The following SEC63 variants were observed in gnomAD, a reference collection of about 807,000 sequenced individuals.
SEC63 encodes SEC63 protein translocation regulator.
In SEC63, 56 loss-of-function variants were observed where a neutral mutation model predicts 116.2. That is an observed-to-expected ratio of 0.48 (90% confidence interval 0.39 to 0.60). SEC63 has a LOEUF of 0.60. Ranked by LOEUF, SEC63 falls within the 20% of genes least tolerant of loss-of-function variation. The pLI is 0.00. For missense variants in SEC63, 668 were observed against 900.0 expected (o/e 0.74, Z 3.30); for synonymous variants, 273 against 294.6 (o/e 0.93, Z 0.75).
At chr6:107,905,986 T>A (rs567757142) in intron 10 of SEC63, among the ~76,000 whole-genome samples, 17 of 152,198 alleles carry the variant, frequency 1.1e-4, no homozygotes, top group African/African-American at 4.1e-4. Flanking sequence ...CACCATGCTA[T>A]GGTTTGGGTC....
chr6:107,892,823 G>A (rs1035866193), intron 16 of SEC63, among the ~76,000 whole-genome samples: 2 of 152,080 alleles, frequency 1.3e-5, no homozygotes, highest in Non-Finnish European at 2.9e-5. Context: ...TAAAAGACTG[G>A]TAAAACCAAG....
intron 1 of SEC63, among the ~76,000 whole-genome samples, chr6:107,953,216 C>T (rs760490349): frequency 1.3e-5 from 2 of 152,202 alleles, no homozygotes; most frequent in Non-Finnish European, 2.9e-5. Flanking sequence ...GCCGAGATCA[C>T]GCCACTGCAC....
At chr6:107,872,951 G>A in intron 19 of SEC63, 39 bp from the exon 20 acceptor site, 1 of 1,309,414 alleles carries the variant, frequency 7.6e-7, no homozygotes, top group African/African-American at 1.5e-5. Flanking sequence ...CTGTATTATG[G>A]GGAGGAAACA....
intron 3 of SEC63, among the ~76,000 whole-genome samples, chr6:107,923,827 GTTCT>G (rs1787611098): frequency 6.6e-6 from 1 of 151,846 alleles, no homozygotes; most frequent in South Asian, 2.1e-4. Flanking sequence ...GCTGATATTA[GTTCT>G]TTCTAAGACC....
At chr6:107,878,282 TTGTAAAGATGATCTGAGAG>T (rs1562313014) in intron 18 of SEC63, among the ~76,000 whole-genome samples, 1 of 152,250 alleles carries the variant, frequency 6.6e-6, no homozygotes, top group African/African-American at 2.4e-5. Flanking sequence ...TCTGGCCATG[TTGTAAAGATGATCTGAGAG>T]AATACAAATA....
At chr6:107,909,738 T>G (rs1470717590) in intron 7 of SEC63, among the ~76,000 whole-genome samples, 1 of 152,208 alleles carries the variant, frequency 6.6e-6, no homozygotes, top group South Asian at 2.1e-4. Context: ...TTTTACAAGT[T>G]GACATGACAC....
intron 18 of SEC63, among the ~76,000 whole-genome samples, chr6:107,880,466 A>T (rs1786385800): frequency 6.6e-6 from 1 of 152,208 alleles, no homozygotes; most frequent in Non-Finnish European, 1.5e-5. Context: ...TCCCAAGGTA[A>T]TTTGAAAGAT....
chr6:107,881,128 A>G (rs1044520374), intron 18 of SEC63, 21 bp downstream of exon 18: 2 of 1,488,124 alleles, frequency 1.3e-6, no homozygotes, highest in Admixed American at 3.3e-5. Context: ...TAAGGAACAC[A>G]GTAGCCTGTA....
chr6:107,892,034 C>T (rs147069436), intron 16 of SEC63, among the ~76,000 whole-genome samples: 1 of 152,186 alleles, frequency 6.6e-6, no homozygotes, highest in Non-Finnish European at 1.5e-5. Flanking sequence ...GAGTCAGGGA[C>T]CCACTTGAGG....
chr6:107,923,604 C>T (rs150640947), intron 3 of SEC63, among the ~76,000 whole-genome samples: 97 of 152,202 alleles, frequency 6.4e-4, no homozygotes, highest in Non-Finnish European at 1.2e-3. Context: ...ATGGCTCACT[C>T]ATCTCAACCT....
intron 12 of SEC63, among the ~76,000 whole-genome samples, chr6:107,901,742 T>C (rs946130685): frequency 1.3e-5 from 2 of 151,982 alleles, no homozygotes; most frequent in Admixed American, 1.3e-4. Context: ...TACAGGCTTA[T>C]TTTTTTAAAT....
chr6:107,883,007 T>A lies in SEC63; in HGVS notation c.1814A>T (p.Gln605Leu). Reference sequence around the variant, plus strand: ...GCTTACTGCTTCATCATCTTTGTTTTGTTTTTCATCTTGCTCTCTATCAGA... The same window carrying A: ...GCTTACTGCTTCATCATCTTTGTTTAGTTTTTCATCTTGCTCTCTATCAGA... The part of the protein sequence containing the change: ...RDSDREQDEK[Q>L]NKDDEAEWQE... Residue 605 changes from glutamine (Q) to leucine (L), a missense_variant, in exon 17 of 21, where the codon CAA becomes CTA. Transcript: ENST00000369002. 1 of 1,606,946 alleles carries A rather than the reference T, an allele frequency of 6.2e-7. No homozygotes were observed. The highest frequency in any genetic ancestry group is 2.2e-5 in the East Asian group (1 of 44,750).
Position 107,912,709 on chromosome 6 carries a change from C to T in SEC63, c.573+7G>A, listed in dbSNP as rs772710321. The T allele has an allele frequency of 6.3e-7, 1 of 1,578,256 alleles. No homozygotes were observed. Among genetic ancestry groups the T allele is most frequent in the Non-Finnish European group, 8.7e-7 (1 of 1,147,836 alleles). On this transcript the variant is annotated splice_region_variant and intron_variant, in intron 6 of 20. Coordinates refer to ENST00000369002, the MANE Select transcript of SEC63 (RefSeq NM_007214.5). ...CATCATAATGTATCTTATTTAAATGCACTCACCAGAATTGAGTTTTTCTGG... is the reference window on the plus strand; with the variant it reads ...CATCATAATGTATCTTATTTAAATGTACTCACCAGAATTGAGTTTTTCTGG...
chr6:107,957,589 A>C (rs192955774), intron 1 of SEC63: 13 of 229,098 alleles, frequency 5.7e-5, no homozygotes, highest in Admixed American at 4.6e-4. Flanking sequence ...AAAAATCCCC[A>C]ATAAAAGCAA....
chr6:107,933,676 C>T (rs1349969008), intron 1 of SEC63, among the ~76,000 whole-genome samples: 1 of 149,590 alleles, frequency 6.7e-6, no homozygotes, highest in Non-Finnish European at 1.5e-5. Flanking sequence ...GCCTCTGCCC[C>T]TGCCCCTGCC....
At chr6:107,907,238 T>G (rs1173304234) in intron 8 of SEC63, among the ~76,000 whole-genome samples, 1 of 152,208 alleles carries the variant, frequency 6.6e-6, no homozygotes, top group Non-Finnish European at 1.5e-5. Flanking sequence ...AAAAAAATTT[T>G]ATTATGGAAC....
chr6:107,911,337 A>G lies in SEC63; in HGVS notation c.624+9T>C. The G allele has an allele frequency of 6.3e-7, 1 of 1,594,716 alleles. No homozygotes were observed. The highest frequency in any genetic ancestry group is 2.2e-5 in the East Asian group (1 of 44,764). On this transcript the variant is annotated intron_variant, in intron 7 of 20. Coordinates refer to ENST00000369002, the MANE Select transcript of SEC63 (RefSeq NM_007214.5). ...AAAAAAAACATTAACTTAAAAAGCTAAAACTTACCACAACAACTGGAAGGA... is the reference window on the plus strand; with the variant it reads ...AAAAAAAACATTAACTTAAAAAGCTGAAACTTACCACAACAACTGGAAGGA...
At position 107,913,349 on chromosome 6, in the gene SEC63, A is replaced by G; in HGVS notation, c.514+17T>C. ...TATACCATATCGCCAATATTTTAAA[A>G]TCATCATTTACCACACCTTGAGGCC... On this transcript the variant is annotated intron_variant, in intron 5 of 20. Transcript: ENST00000369002. 6.6e-7 allele frequency: 1 copy of G among 1,513,916 alleles called. No homozygotes were observed. The highest frequency in any genetic ancestry group is 9.2e-7 in the Non-Finnish European group (1 of 1,088,818). The allele number at this position is 1,513,916 out of a possible 1,614,324, so 93.8% of individuals were successfully genotyped here. A position where few individuals can be genotyped will look rare whatever the true frequency, so the allele number is the denominator to read the frequency against.
intron 16 of SEC63, among the ~76,000 whole-genome samples, chr6:107,887,655 G>A (rs907305248): frequency 9.2e-5 from 14 of 152,210 alleles, no homozygotes; most frequent in African/African-American, 1.2e-4. Flanking sequence ...GCTAGATGAC[G>A]AGTTAGTGGG....
Sources: allele counts gnomAD v4.1 joint callset (sites outside exome capture counted in the v4.1 genomes callset), GRCh38; gene constraint gnomAD v4.1.1; transcripts MANE v1.5; gene names NCBI Gene and HGNC (gene_info 2026-07-23, HGNC 2026-07-21).